Variants in SLC1A3 observed in about 807,000 individuals in gnomAD.
SLC1A3 encodes the protein excitatory amino acid transporter 1.
SLC1A3 carries 21 observed loss-of-function variants against 48.1 expected under a neutral mutation model. The observed-to-expected ratio is 0.44, with a 90% CI of 0.31 to 0.63. The LOEUF (loss-of-function observed/expected upper bound fraction) is 0.63, where lower values mean the gene tolerates loss of function less well. SLC1A3 is among the 20% of genes least tolerant of loss of function. The pLI, the probability that SLC1A3 is intolerant of heterozygous loss-of-function variation, is 0.08. For synonymous variants in SLC1A3, 239 were observed against 251.4 expected (o/e 0.95, Z 0.47); for missense variants, 546 against 689.0 (o/e 0.79, Z 2.32).
At chr5:36,635,160 C>T (rs899237466) in intron 3 of SLC1A3, among the ~76,000 whole-genome samples, 8 of 150,628 alleles carry the variant, frequency 5.3e-5, no homozygotes, top group South Asian at 4.2e-4. Context: ...AACACCTACC[C>T]GTACGTTGTA....
At chr5:36,624,544 AC>A (rs1172136050) in intron 2 of SLC1A3, among the ~76,000 whole-genome samples, 1 of 152,230 alleles carries the variant, frequency 6.6e-6, no homozygotes, top group Non-Finnish European at 1.5e-5. Context: ...GATGTGGATA[AC>A]AATAATAGTC....
chr5:36,615,679 A>C (rs757172834), intron 2 of SLC1A3, among the ~76,000 whole-genome samples: 1 of 152,230 alleles, frequency 6.6e-6, no homozygotes, highest in Non-Finnish European at 1.5e-5. Context: ...GGAATAAATA[A>C]GATTGTGAAG....
At chr5:36,616,569 AC>A (rs1739444902) in intron 2 of SLC1A3, among the ~76,000 whole-genome samples, 1 of 152,188 alleles carries the variant, frequency 6.6e-6, no homozygotes, top group Non-Finnish European at 1.5e-5. Flanking sequence ...TTTCCAGGCT[AC>A]AAACTGCTGC....
At position 36,669,214 on chromosome 5, in the gene SLC1A3, G is replaced by C. The variant is rs546061000; in HGVS notation, c.320-1815G>C. On this transcript the variant is annotated intron_variant, in intron 3 of 9. Coordinates refer to ENST00000265113, the MANE Select transcript of SLC1A3 (RefSeq NM_004172.5). ...AAAGAGAGTGGGCCCCTTTCTGAGA[G>C]AAATCATTTTGAGCACAGCCAAGCC... 2.0e-5 allele frequency: 3 copies of C among 152,308 alleles called. No homozygotes were observed. In the South Asian group the frequency reaches 6.2e-4, roughly 32 times the overall value. 9.4% of individuals were successfully genotyped at this position (152,308 alleles called of 1,614,324 possible).
chr5:36,603,212 A>G (rs1409578038), upstream of SLC1A3, among the ~76,000 whole-genome samples: 1 of 152,266 alleles, frequency 6.6e-6, no homozygotes, highest in Non-Finnish European at 1.5e-5. Context: ...GCCATGCCAC[A>G]CGATGGCTGC....
intron 3 of SLC1A3, among the ~76,000 whole-genome samples, chr5:36,657,551 T>C (rs954919968): frequency 2.0e-5 from 3 of 152,152 alleles, no homozygotes; most frequent in African/African-American, 7.2e-5. Context: ...CTCAACAACA[T>C]AGAAGTCATC....
chr5:36,641,311 A>T (rs1740609189), intron 3 of SLC1A3, among the ~76,000 whole-genome samples: 1 of 152,046 alleles, frequency 6.6e-6, no homozygotes, highest in Non-Finnish European at 1.5e-5. Flanking sequence ...TGCCTCTAAT[A>T]TTGGTAATTC....
chr5:36,657,262 T>G (rs1741320825), intron 3 of SLC1A3, among the ~76,000 whole-genome samples: 1 of 152,214 alleles, frequency 6.6e-6, no homozygotes, highest in South Asian at 2.1e-4. Flanking sequence ...TATAGGGAAT[T>G]TTTTTGTTTA....
intron 3 of SLC1A3, among the ~76,000 whole-genome samples, chr5:36,657,251 C>T (rs1580004415): frequency 6.6e-6 from 1 of 152,184 alleles, no homozygotes; most frequent in African/African-American, 2.4e-5. Flanking sequence ...GCTTCATGTG[C>T]TATAGGGAAT....
At chr5:36,669,820 G>A (rs1364055315) in intron 3 of SLC1A3, 5 of 151,670 alleles carry the variant, frequency 3.3e-5, no homozygotes, top group Non-Finnish European at 7.4e-5. Flanking sequence ...CAAATATTTA[G>A]AGTTCACACA....
At chr5:36,613,006 C>T in intron 2 of SLC1A3, 1 of 353,016 alleles carries the variant, frequency 2.8e-6, no homozygotes. Flanking sequence ...AGACCAATGG[C>T]CCGCTTTCTG....
chr5:36,609,538 A>C (rs1180431716), intron 2 of SLC1A3, among the ~76,000 whole-genome samples: 1 of 152,202 alleles, frequency 6.6e-6, no homozygotes, highest in Non-Finnish European at 1.5e-5. Context: ...ATCAACTTTA[A>C]AGAGGTAATG....
intron 2 of SLC1A3, among the ~76,000 whole-genome samples, chr5:36,626,939 T>A (rs564019272): frequency 1.3e-5 from 2 of 152,200 alleles, no homozygotes; most frequent in South Asian, 4.1e-4. Context: ...TTAAGATCTA[T>A]CAAACTTGTG....
intron 3 of SLC1A3, among the ~76,000 whole-genome samples, chr5:36,641,867 T>C (rs1048030971): frequency 6.6e-6 from 1 of 152,224 alleles, no homozygotes; most frequent in African/African-American, 2.4e-5. Context: ...ATATAACTCC[T>C]ATGCAATATA....
In SLC1A3 at chr5:36,611,289, A is replaced by AC. The variant is rs200075613; in HGVS notation, c.181+2685_181+2686insC. On this transcript the variant is annotated intron_variant, in intron 2 of 9. Transcript: ENST00000265113. ...TTTTTATTGCTTTTAGTAAAAAAAA[A>AC]AAAAAAAAAAATCACTGGGAAAACC... is the stretch of plus-strand genomic sequence containing the variant. Among the ~76,000 whole-genome samples, 16 of 150,176 alleles carry AC rather than the reference A, an allele frequency of 1.1e-4. No homozygotes were observed. The East Asian group carries it at 2.6e-3, about 24-fold the overall frequency.
chr5:36,610,985 A>T (rs1739169557), intron 2 of SLC1A3, among the ~76,000 whole-genome samples: 1 of 152,206 alleles, frequency 6.6e-6, no homozygotes, highest in African/African-American at 2.4e-5. Flanking sequence ...GAGCAAACAG[A>T]TTTAGGAGAG....
intron 4 of SLC1A3, among the ~76,000 whole-genome samples, chr5:36,671,828 TGA>T (rs753335685): frequency 1.1e-3 from 172 of 152,348 alleles, no homozygotes; most frequent in Non-Finnish European, 1.6e-3. Context: ...TGATTACAAA[TGA>T]GTTTTATCTA....
Position 36,680,424 on chromosome 5 carries a change from G to A in SLC1A3, c.1124G>A (p.Cys375Tyr). Residue 375 changes from cysteine (C) to tyrosine (Y), a missense_variant, in exon 8 of 10, where the codon TGC becomes TAC. Transcript: ENST00000265113. ...SSATLPITFK[C>Y]LEENNGVDKR... ...GCCACCCTACCCATCACCTTCAAGTGCCTGGAAGAGAACAATGGCGTGGAC... is the reference window on the plus strand; with the variant it reads ...GCCACCCTACCCATCACCTTCAAGTACCTGGAAGAGAACAATGGCGTGGAC... 1 of 1,614,156 alleles carries A rather than the reference G, an allele frequency of 6.2e-7. No individual in the cohort carries two copies. Among genetic ancestry groups the A allele is most frequent in the South Asian group, 1.1e-5 (1 of 91,078 alleles).
chr5:36,683,479 T>A (rs1364834020), intron 8 of SLC1A3, among the ~76,000 whole-genome samples: 1 of 151,558 alleles, frequency 6.6e-6, no homozygotes, highest in East Asian at 1.9e-4. Context: ...GAGGCCAAGG[T>A]GGGTGGATCA....
Sources: gnomAD v4.1 joint callset for allele counts (sites outside exome capture counted in the v4.1 genomes callset) on GRCh38, gnomAD v4.1.1 for gene constraint, MANE v1.5 for transcripts, NCBI Gene and HGNC (gene_info 2026-07-23, HGNC 2026-07-21) for gene names.